EIPR1: variants seen among roughly 807,000 people sequenced by gnomAD.
EIPR1 encodes EARP complex and GARP complex interacting protein 1.
A neutral mutation model predicts 48.1 loss-of-function variants in EIPR1; 25 were observed. The observed-to-expected ratio is 0.52, with a 90% CI of 0.38 to 0.73. EIPR1 has a LOEUF of 0.73. Among genes scored for constraint, EIPR1 ranks in the 30% least tolerant of loss-of-function variants. The pLI is 0.00. For missense variants in EIPR1, 415 were observed against 506.2 expected, an observed-to-expected ratio of 0.82 and a Z score of 1.73; for synonymous variants, 204 against 201.9, an observed-to-expected ratio of 1.01 and a Z score of -0.09.
intron 8 of EIPR1, among the ~76,000 whole-genome samples, chr2:3,191,722 C>T (rs1664612410): frequency 6.6e-6 from 1 of 152,220 alleles, no homozygotes; most frequent in Non-Finnish European, 1.5e-5. Flanking sequence ...TGCTCAAGGA[C>T]ACAGGGGCCC....
At chr2:3,205,832 T>G (rs1177547684) in intron 5 of EIPR1, among the ~76,000 whole-genome samples, 1 of 152,186 alleles carries the variant, frequency 6.6e-6, no homozygotes, top group African/African-American at 2.4e-5. Flanking sequence ...GTGACAATAT[T>G]AAAGGACCCA....
chr2:3,278,448 C>T (rs1461860737), intron 3 of EIPR1, among the ~76,000 whole-genome samples: 1 of 152,168 alleles, frequency 6.6e-6, no homozygotes, highest in African/African-American at 2.4e-5. Context: ...ACCCTCCCTC[C>T]GTGCAGAGCT....
intron 5 of EIPR1, among the ~76,000 whole-genome samples, chr2:3,211,122 G>A (rs10779974): frequency 0.92 from 140,070 of 152,222 alleles, 64,699 homozygotes; most frequent in East Asian, 0.98. Context: ...AACCTAAAAC[G>A]AAAGTTTAAA....
intron 3 of EIPR1, among the ~76,000 whole-genome samples, chr2:3,321,162 T>G (rs758973447): frequency 1.3e-4 from 20 of 152,208 alleles, no homozygotes; most frequent in Non-Finnish European, 2.5e-4. Flanking sequence ...GACAGCTCCC[T>G]GGAGATCATG....
chr2:3,208,998 C>T, intron 5 of EIPR1: 2 of 1,456,618 alleles, frequency 1.4e-6, no homozygotes, highest in Non-Finnish European at 1.8e-6. Context: ...ATCAAGGTCG[C>T]CAGAAGCGGG....
At chr2:3,256,002 T>C (rs1179888816) in intron 4 of EIPR1, among the ~76,000 whole-genome samples, 1 of 152,164 alleles carries the variant, frequency 6.6e-6, no homozygotes, top group East Asian at 1.9e-4. Flanking sequence ...GCAGTGGCAA[T>C]CACTCCTGGG....
At chr2:3,235,438 A>ACACACGCG (rs1666373872) in intron 4 of EIPR1, among the ~76,000 whole-genome samples, 2 of 151,944 alleles carry the variant, frequency 1.3e-5, no homozygotes, top group African/African-American at 4.8e-5. Flanking sequence ...ACACACACAC[A>ACACACGCG]CGCGTGCGCG....
intron 1 of EIPR1, among the ~76,000 whole-genome samples, chr2:3,368,398 C>G (rs925337442): frequency 6.6e-6 from 1 of 152,196 alleles, no homozygotes; most frequent in Non-Finnish European, 1.5e-5. Context: ...CTGGTCTGGC[C>G]CAGCTCACTT....
In EIPR1 at chr2:3,269,515, ACACTCAATCATCG is replaced by A. The variant is rs71410293; in HGVS notation, c.260-12073_260-12061del. On this transcript the variant is annotated intron_variant, in intron 3 of 8. Transcript: ENST00000382125. ...TCAATCATCGCACTCAATCATCATC[ACACTCAATCATCG>A]CACTCAGTCATCGCACTCAGTCATC... 1.3e-3 allele frequency among the ~76,000 whole-genome samples: 34 copies of A among 25,470 alleles called. 2 individuals are homozygous for A. Among genetic ancestry groups the A allele is most frequent in the African/African-American group, 3.6e-3 (24 of 6,662 alleles). The allele number at this position is 25,470 out of a possible 152,430, so 16.7% of individuals were successfully genotyped here.
intron 4 of EIPR1, among the ~76,000 whole-genome samples, chr2:3,225,666 A>G (rs1323284375): frequency 6.6e-6 from 1 of 151,972 alleles, no homozygotes; most frequent in Non-Finnish European, 1.5e-5. Flanking sequence ...CTTAAGATGC[A>G]CTCTCTTAGC....
chr2:3,335,564 G>A (rs578208247), intron 3 of EIPR1, among the ~76,000 whole-genome samples: 19 of 152,244 alleles, frequency 1.2e-4, no homozygotes, highest in African/African-American at 4.6e-4. Context: ...GTCTCCAGCC[G>A]GCAAAAGGTG....
intron 3 of EIPR1, among the ~76,000 whole-genome samples, chr2:3,337,567 A>T (rs915350131): frequency 9.2e-5 from 14 of 152,144 alleles, no homozygotes; most frequent in African/African-American, 3.1e-4. Flanking sequence ...GAGCCTAGAG[A>T]GCACAACGGC....
At chr2:3,266,180 C>T (rs1241195332) in intron 3 of EIPR1, among the ~76,000 whole-genome samples, 5 of 152,214 alleles carry the variant, frequency 3.3e-5, no homozygotes, top group Admixed American at 2.6e-4. Flanking sequence ...CTCCAGTCAG[C>T]CCGGCTAAAG....
intron 3 of EIPR1, among the ~76,000 whole-genome samples, chr2:3,311,371 TA>T (rs541781593): frequency 6.6e-5 from 10 of 151,318 alleles, no homozygotes; most frequent in African/African-American, 1.2e-4. Context: ...CTTTTCACAT[TA>T]AAAAAAAATA....
intron 4 of EIPR1, among the ~76,000 whole-genome samples, chr2:3,224,787 TGGCAATGCCACC>T (rs1666006322): frequency 6.6e-6 from 1 of 152,250 alleles, no homozygotes; most frequent in Non-Finnish European, 1.5e-5. Context: ...GAGTCCCTGC[TGGCAATGCCACC>T]GGCAATGCCA....
chr2:3,353,444 T>C, intron 2 of EIPR1: 1 of 383,956 alleles, frequency 2.6e-6, no homozygotes, highest in South Asian at 2.0e-5. Context: ...TTCTTAGGAG[T>C]CTATAACTTT....
chr2:3,352,520 T>G (rs920107779), intron 2 of EIPR1, among the ~76,000 whole-genome samples: 4 of 152,276 alleles, frequency 2.6e-5, no homozygotes, highest in Non-Finnish European at 5.9e-5. Flanking sequence ...CACTGTCTGT[T>G]CCTGACATCC....
At chr2:3,281,058 T>A (rs1667998188) in intron 3 of EIPR1, among the ~76,000 whole-genome samples, 1 of 151,940 alleles carries the variant, frequency 6.6e-6, no homozygotes, top group African/African-American at 2.4e-5. Context: ...CCCACCCCCA[T>A]CCACATAAAG....
chr2:3,375,480 A>T (rs1422793237), intron 1 of EIPR1, among the ~76,000 whole-genome samples: 2 of 152,154 alleles, frequency 1.3e-5, no homozygotes, highest in Non-Finnish European at 1.5e-5. Context: ...TTTTTGAGAG[A>T]TTTCTTAAGG....
Sources: gnomAD v4.1 joint callset for allele counts (sites outside exome capture counted in the v4.1 genomes callset) on GRCh38, gnomAD v4.1.1 for gene constraint, MANE v1.5 for transcripts, NCBI Gene and HGNC (gene_info 2026-07-23, HGNC 2026-07-21) for gene names.